Variants in FHIT observed in about 807,000 individuals in gnomAD.
FHIT encodes bis(5'-adenosyl)-triphosphatase.
Under a neutral mutation model 17.9 loss-of-function variants are expected in FHIT, and 19 were observed. The ratio of observed to expected loss-of-function variants is 1.06; its 90% CI spans 0.74 to 1.56. The LOEUF is 1.56. Ranked by LOEUF, FHIT falls within the 40% of genes most tolerant of loss-of-function variation. FHIT has a pLI of 0.00. For synonymous variants in FHIT, 81 were observed against 69.7 expected (o/e 1.16, Z -0.81); for missense variants, 248 against 189.2 (o/e 1.31, Z -1.82).
chr3:60,725,158 G>T (rs1415713660), intron 4 of FHIT, among the ~76,000 whole-genome samples: 1 of 152,022 alleles, frequency 6.6e-6, no homozygotes, highest in African/African-American at 2.4e-5. Context: ...TGATTTGTAA[G>T]AATTCTTTTT....
chr3:60,165,847 A>T (rs1178808563), intron 5 of FHIT, among the ~76,000 whole-genome samples: 2 of 152,154 alleles, frequency 1.3e-5, no homozygotes, highest in Non-Finnish European at 2.9e-5. Context: ...GTCCTCGGTG[A>T]ACAATTTCAG....
chr3:60,224,417 G>C (rs910334420), intron 5 of FHIT, among the ~76,000 whole-genome samples: 1 of 152,140 alleles, frequency 6.6e-6, no homozygotes, highest in Admixed American at 6.5e-5. Flanking sequence ...TTCAAGAAGG[G>C]AGATGCTTCC....
At chr3:60,885,028 G>C (rs1705160003) in intron 3 of FHIT, among the ~76,000 whole-genome samples, 1 of 136,476 alleles carries the variant, frequency 7.3e-6, no homozygotes, top group Non-Finnish European at 1.6e-5. Flanking sequence ...AAGTTGATGG[G>C]TGCTACTAGA....
intron 4 of FHIT, among the ~76,000 whole-genome samples, chr3:60,745,714 A>G (rs367958024): frequency 6.6e-6 from 1 of 152,156 alleles, no homozygotes; most frequent in Non-Finnish European, 1.5e-5. Flanking sequence ...ACATATTCTA[A>G]CAATAGTTAC....
intron 2 of FHIT, among the ~76,000 whole-genome samples, chr3:61,099,933 C>T (rs1305580409): frequency 6.6e-6 from 1 of 151,906 alleles, no homozygotes; most frequent in South Asian, 2.1e-4. Context: ...AATTTTACAC[C>T]AGGAATGTAT....
chr3:60,075,591 C>T (rs1702969830), intron 5 of FHIT, among the ~76,000 whole-genome samples: 1 of 152,096 alleles, frequency 6.6e-6, no homozygotes, highest in South Asian at 2.1e-4. Context: ...CATGCAACTT[C>T]TCAGTAACTT....
intron 5 of FHIT, among the ~76,000 whole-genome samples, chr3:60,250,520 TAAGA>T (rs1705647503): frequency 6.6e-6 from 1 of 152,170 alleles, no homozygotes; most frequent in Non-Finnish European, 1.5e-5. Flanking sequence ...TAAAGCTTCC[TAAGA>T]AACAGGTCTT....
At chr3:59,854,366 G>A (rs1702066160) in intron 8 of FHIT, among the ~76,000 whole-genome samples, 2 of 152,138 alleles carry the variant, frequency 1.3e-5, no homozygotes, top group Non-Finnish European at 2.9e-5. Context: ...TCGGTATTGT[G>A]CTTACGTCGC....
At chr3:61,185,779 C>A (rs924514902) in intron 2 of FHIT, among the ~76,000 whole-genome samples, 1 of 152,174 alleles carries the variant, frequency 6.6e-6, no homozygotes, top group African/African-American at 2.4e-5. Context: ...CACTTGGAGT[C>A]ATCTCTGGGC....
At chr3:60,146,845 A>T (rs1700263703) in intron 5 of FHIT, among the ~76,000 whole-genome samples, 1 of 152,226 alleles carries the variant, frequency 6.6e-6, no homozygotes, top group South Asian at 2.1e-4. Context: ...ATCCGGAACA[A>T]AAGCTTAAGA....
chr3:61,137,070 G>A (rs2106979977), intron 2 of FHIT, among the ~76,000 whole-genome samples: 1 of 152,232 alleles, frequency 6.6e-6, no homozygotes, highest in African/African-American at 2.4e-5. Context: ...CCATGTTGGA[G>A]GGAGGGAAGG....
intron 7 of FHIT, among the ~76,000 whole-genome samples, chr3:59,935,334 G>T (rs559140612): frequency 2.0e-5 from 3 of 152,104 alleles, no homozygotes; most frequent in Non-Finnish European, 4.4e-5. Flanking sequence ...AAAATTATAA[G>T]TGTTCTTCCT....
At chr3:60,656,268 G>A (rs1276335947) in intron 4 of FHIT, among the ~76,000 whole-genome samples, 1 of 152,132 alleles carries the variant, frequency 6.6e-6, no homozygotes, top group Non-Finnish European at 1.5e-5. Flanking sequence ...CCCAGAACTA[G>A]ATTTATGGGA....
intron 4 of FHIT, among the ~76,000 whole-genome samples, chr3:60,695,344 C>A (rs757982505): frequency 6.6e-6 from 1 of 151,942 alleles, no homozygotes; most frequent in Non-Finnish European, 1.5e-5. Flanking sequence ...TGCAGTGAGC[C>A]GAGATTGTGC....
At chr3:61,115,621 ACT>A (rs1299561784) in intron 2 of FHIT, among the ~76,000 whole-genome samples, 1 of 151,872 alleles carries the variant, frequency 6.6e-6, no homozygotes, top group East Asian at 1.9e-4. Context: ...AGCCAGAATG[ACT>A]CTGAGATTTG....
At chr3:59,897,891 C>T (rs1264190132) in intron 8 of FHIT, among the ~76,000 whole-genome samples, 13 of 151,978 alleles carry the variant, frequency 8.6e-5, no homozygotes, top group African/African-American at 2.7e-4. Flanking sequence ...CTCAGCCTCC[C>T]GAGTAGCTGG....
intron 5 of FHIT, among the ~76,000 whole-genome samples, chr3:60,015,576 G>A (rs1700312734): frequency 6.6e-6 from 1 of 152,102 alleles, no homozygotes; most frequent in Admixed American, 6.5e-5. Context: ...TGCTTTTTCT[G>A]TGTTAAAAGG....
At chr3:60,732,611 T>C (rs2107991116) in intron 4 of FHIT, 1 of 545,936 alleles carries the variant, frequency 1.8e-6, no homozygotes. Flanking sequence ...AATGGCAATG[T>C]GGAAGTACAC....
rs191507065 is a variant in FHIT, at chr3:60,962,413, A to C, written c.-111+79634T>G. Among the ~76,000 whole-genome samples the C allele has an allele frequency of 2.1e-3, 327 of 152,254 alleles. 12 individuals are homozygous for C. The highest frequency in any genetic ancestry group is 0.021 in the Admixed American group (323 of 15,296). Reference sequence around the variant, plus strand: ...TGACTTCCTCTTTTCCTAATTCAATACACTTTATTTCTTTCTCTTGCCTGA... The same window carrying C: ...TGACTTCCTCTTTTCCTAATTCAATCCACTTTATTTCTTTCTCTTGCCTGA... On this transcript the variant is annotated intron_variant, in intron 3 of 9. Coordinates refer to ENST00000492590, the MANE Select transcript of FHIT (RefSeq NM_002012.4).
Sources: allele counts gnomAD v4.1 joint callset (sites outside exome capture counted in the v4.1 genomes callset), GRCh38; gene constraint gnomAD v4.1.1; transcripts MANE v1.5; gene names NCBI Gene and HGNC (gene_info 2026-07-23, HGNC 2026-07-21).